Variants in CNBD1 observed in about 807,000 individuals in gnomAD.
CNBD1 encodes the protein cyclic nucleotide-binding domain-containing protein 1.
In CNBD1, 71 loss-of-function variants were observed where a neutral mutation model predicts 54.4. That is an observed-to-expected ratio of 1.30 (90% CI 1.08 to 1.59). The LOEUF (loss-of-function observed/expected upper bound fraction) is 1.59, where lower values mean the gene tolerates loss of function less well. Ranked by LOEUF, CNBD1 falls within the 40% of genes most tolerant of loss-of-function variation. The pLI, the probability that CNBD1 is intolerant of heterozygous loss-of-function variation, is 0.00. For synonymous variants in CNBD1, 182 were observed against 170.7 expected (o/e 1.07, Z -0.51); for missense variants, 659 against 518.0 (o/e 1.27, Z -2.64).
intron 8 of CNBD1, among the ~76,000 whole-genome samples, chr8:87,315,204 G>C (rs1809358433): frequency 6.6e-6 from 1 of 151,964 alleles, no homozygotes; most frequent in African/African-American, 2.4e-5. Flanking sequence ...CAAATATTTT[G>C]TTTTAGACAA....
At chr8:87,364,934 G>A (rs7834965) in intron 10 of CNBD1, among the ~76,000 whole-genome samples, 86,036 of 151,940 alleles carry the variant, frequency 0.57, 25,918 homozygotes, top group African/African-American at 0.77. Flanking sequence ...GCTATTATGA[G>A]CAGTGCTGCA....
At chr8:86,888,507 T>A (rs1003411796) in intron 2 of CNBD1, among the ~76,000 whole-genome samples, 4 of 152,164 alleles carry the variant, frequency 2.6e-5, no homozygotes, top group Non-Finnish European at 5.9e-5. Flanking sequence ...GACTTTAGAC[T>A]GCTTACTACA....
intron 6 of CNBD1, among the ~76,000 whole-genome samples, chr8:87,279,654 C>T (rs1048637489): frequency 1.3e-5 from 2 of 151,046 alleles, no homozygotes; most frequent in African/African-American, 4.8e-5. Flanking sequence ...AATGTATATG[C>T]AGTAAAAATT....
intron 4 of CNBD1, among the ~76,000 whole-genome samples, chr8:86,945,627 G>A (rs931002716): frequency 2.0e-5 from 3 of 152,100 alleles, no homozygotes; most frequent in African/African-American, 7.2e-5. Flanking sequence ...TGGAGTGGAA[G>A]GGGGATTCAT....
At chr8:87,343,365 A>G (rs1310451038) in intron 8 of CNBD1, among the ~76,000 whole-genome samples, 1 of 152,222 alleles carries the variant, frequency 6.6e-6, no homozygotes, top group Non-Finnish European at 1.5e-5. Flanking sequence ...TCCTCAGCTT[A>G]CAAAAATGAT....
At chr8:87,286,731 AT>A in intron 8 of CNBD1, 60 bp downstream of exon 8, 1 of 1,132,576 alleles carries the variant, frequency 8.8e-7, no homozygotes, top group Non-Finnish European at 1.3e-6. Context: ...TGGAATTGAA[AT>A]TCTTCATAGT....
At chr8:87,387,434 A>G (rs560764033), downstream of CNBD1, among the ~76,000 whole-genome samples, 31 of 152,176 alleles carry the variant, frequency 2.0e-4, no homozygotes, top group Non-Finnish European at 3.5e-4. Context: ...ATGGAAAACA[A>G]AAAAAGGCAG....
intron 4 of CNBD1, among the ~76,000 whole-genome samples, chr8:86,944,193 A>C (rs1339465786): frequency 6.6e-6 from 1 of 152,250 alleles, no homozygotes; most frequent in Non-Finnish European, 1.5e-5. Flanking sequence ...GAACTGAAAC[A>C]TGACTTAGAA....
intron 4 of CNBD1, among the ~76,000 whole-genome samples, chr8:87,042,747 T>C (rs1244206081): frequency 6.6e-6 from 1 of 152,114 alleles, no homozygotes; most frequent in Non-Finnish European, 1.5e-5. Context: ...TTATGTGTTA[T>C]AAATAATTAT....
Position 87,012,343 on chromosome 8 carries a change from C to A in CNBD1, c.431+72589C>A, listed in dbSNP as rs1351711294. 2.6e-5 allele frequency among the ~76,000 whole-genome samples: 4 copies of A among 152,128 alleles called. No individual in the cohort carries two copies. In the East Asian group the frequency reaches 7.7e-4, roughly 29 times the overall value. On this transcript the variant is annotated intron_variant, in intron 4 of 10. Transcript: ENST00000518476. ...CTAAGAGGTCTAGGGAGTCATGCCCCACAAACCACAAATTCTCATCAGATG... is the reference window on the plus strand; with the variant it reads ...CTAAGAGGTCTAGGGAGTCATGCCCAACAAACCACAAATTCTCATCAGATG...
At chr8:87,158,850 C>T (rs998143835) in intron 4 of CNBD1, among the ~76,000 whole-genome samples, 1 of 152,108 alleles carries the variant, frequency 6.6e-6, no homozygotes, top group Non-Finnish European at 1.5e-5. Context: ...TAAAACAGAA[C>T]CATTTTTAAT....
chr8:87,417,095 T>C (rs1017069310), intron 2 of CNBD1, among the ~76,000 whole-genome samples: 20 of 152,104 alleles, frequency 1.3e-4, no homozygotes, highest in African/African-American at 4.6e-4. Flanking sequence ...AAGAAAGACA[T>C]ACCAAAGACA....
At chr8:87,391,936 A>G (rs375763643) in intron 2 of CNBD1, among the ~76,000 whole-genome samples, 8 of 152,108 alleles carry the variant, frequency 5.3e-5, no homozygotes, top group Admixed American at 2.6e-4. Flanking sequence ...GATAATTTCT[A>G]TGACAAAGAC....
intron 6 of CNBD1, among the ~76,000 whole-genome samples, chr8:87,279,102 C>T (rs951114855): frequency 1.3e-5 from 2 of 150,898 alleles, no homozygotes; most frequent in Non-Finnish European, 3.0e-5. Flanking sequence ...ATCATAGATA[C>T]ATATGTAAAG....
chr8:86,946,397 A>G (rs544578373), intron 4 of CNBD1, among the ~76,000 whole-genome samples: 12 of 152,180 alleles, frequency 7.9e-5, no homozygotes, highest in Middle Eastern at 3.2e-3. Flanking sequence ...AAACAATTGT[A>G]TCTTGATACC....
intron 4 of CNBD1, among the ~76,000 whole-genome samples, chr8:87,093,637 C>T (rs772630336): frequency 3.3e-5 from 5 of 152,090 alleles, no homozygotes; most frequent in Admixed American, 6.5e-5. Flanking sequence ...GTTACTATTG[C>T]CTAGTCAAGT....
intron 4 of CNBD1, among the ~76,000 whole-genome samples, chr8:87,020,314 C>G (rs565031799): frequency 1.3e-5 from 2 of 152,076 alleles, no homozygotes; most frequent in Non-Finnish European, 2.9e-5. Context: ...CCCCATTATT[C>G]AAATCACTAA....
chr8:87,359,882 A>C (rs1322184682), intron 10 of CNBD1, among the ~76,000 whole-genome samples: 1 of 152,074 alleles, frequency 6.6e-6, no homozygotes, highest in Middle Eastern at 3.2e-3. Flanking sequence ...AAATAAACAA[A>C]AATAAATAAA....
At chr8:87,425,384 G>C (rs1208019799) in intron 2 of CNBD1, among the ~76,000 whole-genome samples, 2 of 152,176 alleles carry the variant, frequency 1.3e-5, no homozygotes, top group East Asian at 3.8e-4. Flanking sequence ...CTTTGGAGGA[G>C]GAGAGGCGCT....
Sources: gnomAD v4.1 joint callset for allele counts (sites outside exome capture counted in the v4.1 genomes callset) on GRCh38, gnomAD v4.1.1 for gene constraint, MANE v1.5 for transcripts, NCBI Gene and HGNC (gene_info 2026-07-23, HGNC 2026-07-21) for gene names.